TLN2: variants seen among roughly 807,000 people sequenced by gnomAD.
TLN2 encodes talin-2.
Under a neutral mutation model 294.7 loss-of-function variants are expected in TLN2, and 118 were observed. That is an observed-to-expected ratio of 0.40 (90% confidence interval 0.34 to 0.47). TLN2 has a LOEUF of 0.47. Ranked by LOEUF, TLN2 falls within the 20% of genes least tolerant of loss-of-function variation. The pLI, the probability that TLN2 is intolerant of heterozygous loss-of-function variation, is 0.84. For synonymous variants in TLN2, 1,431 were observed against 1,304.5 expected (o/e 1.10, Z -2.09); for missense variants, 3,083 against 3,282.2 (o/e 0.94, Z 1.48).
chr15:62,558,667 G>A (rs1022583998), intron 1 of TLN2, among the ~76,000 whole-genome samples: 1 of 152,172 alleles, frequency 6.6e-6, no homozygotes, highest in Admixed American at 6.5e-5. Flanking sequence ...AGCTTATATA[G>A]CATCTTCAAC....
At chr15:62,549,360 C>T (rs1354830584) in intron 1 of TLN2, among the ~76,000 whole-genome samples, 1 of 152,090 alleles carries the variant, frequency 6.6e-6, no homozygotes, top group Non-Finnish European at 1.5e-5. Context: ...GTTTCTAATA[C>T]CTGTACCCAA....
chr15:62,655,561 G>T (rs1035597472), intron 7 of TLN2, among the ~76,000 whole-genome samples: 1 of 152,080 alleles, frequency 6.6e-6, no homozygotes, highest in Admixed American at 6.5e-5. Context: ...CACCGGAGAG[G>T]CAGCATATTA....
chr15:62,579,499 T>C lies in TLN2; in HGVS notation c.-237-10188T>C, dbSNP rs186520845. ...CTCGTGTTCTTGTTTGTGATACTTA[T>C]CTTAGGTTGCTGGGGGCTGAGAAGA... is the stretch of plus-strand genomic sequence containing the variant. On this transcript the variant is annotated intron_variant, in intron 1 of 58. Coordinates refer to ENST00000636159, the MANE Select transcript of TLN2 (RefSeq NM_015059.3). Among the ~76,000 whole-genome samples the C allele has an allele frequency of 9.2e-4, 139 of 151,804 alleles. 1 individual carries two copies. The highest frequency in any genetic ancestry group is 3.2e-3 in the African/African-American group (134 of 41,502).
chr15:62,760,518 A>G (rs1167597886), intron 37 of TLN2, among the ~76,000 whole-genome samples: 1 of 152,176 alleles, frequency 6.6e-6, no homozygotes, highest in Non-Finnish European at 1.5e-5. Context: ...GTCATTTAAC[A>G]AGGAAATTTG....
chr15:62,637,729 C>G (rs909944621), intron 3 of TLN2: 4 of 152,514 alleles, frequency 2.6e-5, no homozygotes, highest in African/African-American at 9.7e-5. Context: ...GCCAGGCGGG[C>G]TGGTGTTGGA....
chr15:62,586,352 A>G (rs991627863), intron 1 of TLN2, among the ~76,000 whole-genome samples: 2 of 152,186 alleles, frequency 1.3e-5, no homozygotes, highest in Admixed American at 6.5e-5. Context: ...TTCTAGGGAA[A>G]TTTTGTAGGG....
At chr15:62,769,165 A>G (rs564293631) in intron 41 of TLN2, among the ~76,000 whole-genome samples, 1 of 152,378 alleles carries the variant, frequency 6.6e-6, no homozygotes, top group East Asian at 1.9e-4. Context: ...AAATTAACCT[A>G]GAAAACATAT....
rs761995515 is a variant in TLN2, at chr15:62,764,478, C to T, written c.5094+783C>T. Among the ~76,000 whole-genome samples the T allele has an allele frequency of 4.6e-5, 7 of 152,296 alleles. No individual in the cohort carries two copies. The East Asian group carries it at 1.3e-3, about 29-fold the overall frequency. ...TTTATTAATAGAGCTGTCTATTTCG[C>T]TCCACCTTCACCCTCCTATTTCCAA... is the stretch of plus-strand genomic sequence containing the variant. On this transcript the variant is annotated intron_variant, in intron 40 of 58. Coordinates refer to ENST00000636159, the MANE Select transcript of TLN2 (RefSeq NM_015059.3).
intron 3 of TLN2, among the ~76,000 whole-genome samples, chr15:62,642,858 C>T (rs374381842): frequency 1.0e-3 from 152 of 152,114 alleles, no homozygotes; most frequent in Middle Eastern, 3.4e-3. Context: ...CCCACCACCA[C>T]GCCCAGCTAA....
intron 3 of TLN2, among the ~76,000 whole-genome samples, chr15:62,624,105 A>T (rs1221996652): frequency 6.6e-6 from 1 of 152,178 alleles, no homozygotes; most frequent in Non-Finnish European, 1.5e-5. Flanking sequence ...GCTACACGTG[A>T]GTTTTGTATT....
intron 57 of TLN2, among the ~76,000 whole-genome samples, chr15:62,836,294 C>T (rs1331585777): frequency 6.6e-6 from 1 of 152,246 alleles, no homozygotes; most frequent in Non-Finnish European, 1.5e-5. Context: ...TGCCCTGGGG[C>T]CCTGCTCCTC....
At chr15:62,620,457 C>T (rs1021835021) in intron 3 of TLN2, among the ~76,000 whole-genome samples, 2 of 151,502 alleles carry the variant, frequency 1.3e-5, no homozygotes, top group Non-Finnish European at 2.9e-5. Flanking sequence ...TACTCTCTTT[C>T]TCTCTCTCTC....
chr15:62,601,497 T>C (rs1384001660), intron 2 of TLN2, among the ~76,000 whole-genome samples: 1 of 152,236 alleles, frequency 6.6e-6, no homozygotes, highest in African/African-American at 2.4e-5. Context: ...ATTTTGTTAG[T>C]TTGTTCTTTG....
intron 1 of TLN2, among the ~76,000 whole-genome samples, chr15:62,541,640 A>G (rs571782384): frequency 4.9e-4 from 74 of 152,230 alleles, no homozygotes; most frequent in African/African-American, 1.6e-3. Context: ...ATTGAGATGG[A>G]AAGAGAATGA....
At chr15:62,423,115 C>T (rs1330758189) in intron 1 of TLN2, among the ~76,000 whole-genome samples, 1 of 152,200 alleles carries the variant, frequency 6.6e-6, no homozygotes, top group African/African-American at 2.4e-5. Flanking sequence ...TCATTGGGAC[C>T]TGGTGCGGTG....
chr15:62,833,535 A>G lies in TLN2; in HGVS notation c.7034A>G (p.Gln2345Arg). The G allele has an allele frequency of 6.2e-7, 1 of 1,614,188 alleles. No homozygotes were observed. The highest frequency in any genetic ancestry group is 8.5e-7 in the Non-Finnish European group (1 of 1,180,022). ...QADETLDFEE[Q>R]ILEAAKSIAA... ...GATGAGACCCTGGACTTTGAGGAAC[A>G]GATCTTGGAAGCTGCTAAATCCATT... Residue 2345 changes from glutamine to arginine, a missense_variant, in exon 55 of 59, where the codon CAG (glutamine) becomes CGG (arginine). By Grantham distance (43) the Gln-to-Arg change is conservative (BLOSUM62 1). Coordinates refer to ENST00000636159, the MANE Select transcript of TLN2 (RefSeq NM_015059.3).
At chr15:62,721,812 T>C (rs566410255) in intron 25 of TLN2, among the ~76,000 whole-genome samples, 1 of 152,298 alleles carries the variant, frequency 6.6e-6, no homozygotes, top group African/African-American at 2.4e-5. Flanking sequence ...TATATAGCTC[T>C]TTAAAAGGTA....
chr15:62,433,599 G>A (rs2035133227), intron 1 of TLN2, among the ~76,000 whole-genome samples: 1 of 152,140 alleles, frequency 6.6e-6, no homozygotes, highest in Admixed American at 6.5e-5. Flanking sequence ...TGTGTTTTCT[G>A]CTTTTGAGTC....
chr15:62,693,212 G>T (rs927316700), intron 13 of TLN2, among the ~76,000 whole-genome samples: 4 of 152,148 alleles, frequency 2.6e-5, no homozygotes, highest in African/African-American at 7.2e-5. Context: ...GGCGCCTGTA[G>T]TCCCAGTTAC....
Sources: gnomAD v4.1 joint callset for allele counts (sites outside exome capture counted in the v4.1 genomes callset) on GRCh38, gnomAD v4.1.1 for gene constraint, MANE v1.5 for transcripts, NCBI Gene and HGNC (gene_info 2026-07-23, HGNC 2026-07-21) for gene names.